Variants in TM4SF4 observed in about 807,000 individuals in gnomAD.
TM4SF4 encodes the protein transmembrane 4 L six family member 4.
In TM4SF4, 24 loss-of-function variants were observed where a neutral mutation model predicts 24.1. The ratio of observed to expected loss-of-function variants is 1.00; its 90% CI spans 0.72 to 1.40. The LOEUF (loss-of-function observed/expected upper bound fraction) is 1.40, where lower values mean the gene tolerates loss of function less well. Ranked by LOEUF, TM4SF4 falls within the 40% of genes most tolerant of loss-of-function variation. The pLI is 0.00. For missense variants in TM4SF4, 254 were observed against 254.2 expected, an observed-to-expected ratio of 1.00 and a Z score of 0.01; for synonymous variants, 113 against 97.0, an observed-to-expected ratio of 1.17 and a Z score of -0.97.
chr3:149,498,607 G>T lies in TM4SF4; in HGVS notation c.402-115G>T, dbSNP rs112198936. ...TTGTTAGTACAGAGTATTTTCTCGTGAAGCTAGTTTTGGGTGGAAAGTAGT... is the reference window on the plus strand; with the variant it reads ...TTGTTAGTACAGAGTATTTTCTCGTTAAGCTAGTTTTGGGTGGAAAGTAGT... On this transcript the variant is annotated intron_variant, in intron 3 of 4. Coordinates refer to ENST00000305354, the MANE Select transcript of TM4SF4 (RefSeq NM_004617.4). The T allele has an allele frequency of 2.6e-5, 23 of 879,852 alleles. No homozygotes were observed. The African/African-American group carries it at 3.0e-4, about 12-fold the overall frequency. The allele number at this position is 879,852 out of a possible 1,614,324, so 54.5% of individuals were successfully genotyped here. A position where few individuals can be genotyped will look rare whatever the true frequency, so the allele number is the denominator to read the frequency against.
intron 2 of TM4SF4, among the ~76,000 whole-genome samples, chr3:149,487,283 G>T (rs1045070425): frequency 6.6e-6 from 1 of 152,128 alleles, no homozygotes; most frequent in Non-Finnish European, 1.5e-5. Context: ...CAATCCTAAG[G>T]TTCTTTGATT....
rs76939410 is a variant in TM4SF4 at position 149,482,003 on chromosome 3, A to C, written c.265-5616A>C. Among the ~76,000 whole-genome samples, 269 of 152,350 alleles carry C rather than the reference A, an allele frequency of 1.8e-3. 4 individuals carry two copies. Among genetic ancestry groups the C allele is most frequent in the East Asian group, 0.01 (54 of 5,190 alleles). ...CATTGATCAAGTGCTTGTTAATGTC[A>C]TGGGAAATTATCCAAACCTTGGGAA... On this transcript the variant is annotated intron_variant, in intron 2 of 4. Transcript: ENST00000305354.
At chr3:149,475,714 T>C in intron 1 of TM4SF4, 109 bp from the exon 2 acceptor site, 1 of 876,886 alleles carries the variant, frequency 1.1e-6, no homozygotes, top group Non-Finnish European at 1.8e-6. Context: ...GCCATTCCCT[T>C]TGGGCCTCCA....
intron 2 of TM4SF4, among the ~76,000 whole-genome samples, chr3:149,476,325 G>A (rs890998302): frequency 3.3e-5 from 5 of 152,170 alleles, no homozygotes; most frequent in Non-Finnish European, 7.3e-5. Flanking sequence ...CAGGACAAAA[G>A]ATGGTATCCT....
chr3:149,490,619 C>T (rs1734192766), intron 3 of TM4SF4, among the ~76,000 whole-genome samples: 1 of 152,150 alleles, frequency 6.6e-6, no homozygotes, highest in South Asian at 2.1e-4. Flanking sequence ...CTGCTTTTTG[C>T]CTAGATTCCC....
chr3:149,475,678 C>T (rs1055578335), intron 1 of TM4SF4, 145 bp from the exon 2 acceptor site: 3 of 660,418 alleles, frequency 4.5e-6, no homozygotes, highest in Middle Eastern at 2.8e-4. Context: ...CACTCCATTA[C>T]CCCTCCAGCC....
At chr3:149,479,913 TAGG>T (rs1734004693) in intron 2 of TM4SF4, among the ~76,000 whole-genome samples, 1 of 152,012 alleles carries the variant, frequency 6.6e-6, no homozygotes, top group South Asian at 2.1e-4. Context: ...CAAAACCAAG[TAGG>T]AGATAGGAGA....
At chr3:149,481,468 A>C (rs4320033) in intron 2 of TM4SF4, among the ~76,000 whole-genome samples, 54,381 of 151,994 alleles carry the variant, frequency 0.36, 10,261 homozygotes, top group Non-Finnish European at 0.42. Flanking sequence ...AACTGGGGCT[A>C]CTGCAAGTTA....
chr3:149,477,334 T>A (rs2107865778), intron 2 of TM4SF4, among the ~76,000 whole-genome samples: 1 of 152,344 alleles, frequency 6.6e-6, no homozygotes, highest in East Asian at 1.9e-4. Flanking sequence ...ATAGTAGAAC[T>A]GGAATTACTG....
chr3:149,499,047 C>T, intron 4 of TM4SF4, 136 bp downstream of exon 4: 1 of 867,858 alleles, frequency 1.2e-6, no homozygotes, highest in Non-Finnish European at 1.8e-6. Context: ...AAAACCAGCC[C>T]AGGTTGGGAA....
intron 3 of TM4SF4, among the ~76,000 whole-genome samples, chr3:149,489,359 AAACATAT>A (rs1734171811): frequency 1.3e-5 from 2 of 152,238 alleles, no homozygotes; most frequent in African/African-American, 4.8e-5. Flanking sequence ...GTGCCACAGT[AAACATAT>A]TTTTCTATTT....
At chr3:149,497,341 T>C (rs981258027) in intron 3 of TM4SF4, among the ~76,000 whole-genome samples, 1 of 152,256 alleles carries the variant, frequency 6.6e-6, no homozygotes, top group Admixed American at 6.5e-5. Flanking sequence ...CTAGTACCTG[T>C]ACTCTTATGG....
At chr3:149,497,335 T>A (rs1477099446) in intron 3 of TM4SF4, among the ~76,000 whole-genome samples, 1 of 152,232 alleles carries the variant, frequency 6.6e-6, no homozygotes, top group Non-Finnish European at 1.5e-5. Context: ...AAGCTGCTAG[T>A]ACCTGTACTC....
intron 3 of TM4SF4, among the ~76,000 whole-genome samples, chr3:149,497,740 G>C (rs944979803): frequency 6.6e-6 from 1 of 152,138 alleles, no homozygotes; most frequent in Non-Finnish European, 1.5e-5. Context: ...CACCTCCCGG[G>C]TTCAAGCAAT....
intron 3 of TM4SF4, 60 bp from the exon 4 acceptor site, chr3:149,498,662 T>C: frequency 6.7e-7 from 1 of 1,488,148 alleles, no homozygotes; most frequent in East Asian, 2.3e-5. Flanking sequence ...GGTAACTTTC[T>C]AGTGGAGGGA....
At chr3:149,477,043 G>A (rs183449996) in intron 2 of TM4SF4, among the ~76,000 whole-genome samples, 18 of 151,770 alleles carry the variant, frequency 1.2e-4, no homozygotes, top group African/African-American at 3.4e-4. Context: ...CAAGCAATCC[G>A]CCCACCTGAG....
At position 149,475,840 on chromosome 3, in the gene TM4SF4, G is replaced by C. The variant is rs550106898; in HGVS notation, c.192G>C (p.Leu64=). Residue 64 remains leucine, a synonymous_variant, in exon 2 of 5, where the codon CTG becomes CTC. Coordinates refer to ENST00000305354, the MANE Select transcript of TM4SF4 (RefSeq NM_004617.4). ...CCTGGTAGATGATCTTCCCTGCGCT[G>C]GTGTTCTTGGGCCTGAAGAACAATG... is the stretch of plus-strand genomic sequence containing the variant. ...GSGVLMIFPA[L]VFLGLKNNDC... is the part of the protein sequence containing the mutation. The C allele has an allele frequency of 8.1e-6, 13 of 1,612,144 alleles. No individual in the cohort carries two copies. In the East Asian group the frequency reaches 2.9e-4, roughly 36 times the overall value.
chr3:149,487,602 C>G lies in TM4SF4; in HGVS notation c.265-17C>G, dbSNP rs1342172339. 8.1e-6 allele frequency: 13 copies of G among 1,613,748 alleles called. No individual in the cohort carries two copies. Among genetic ancestry groups the G allele is most frequent in the Non-Finnish European group, 1.0e-5 (12 of 1,179,838 alleles). Reference sequence around the variant, plus strand: ...GACCACCTGGAGAATGTGACTGTCTCTCTTCCTCTCTTTCAGATGTTCACC... The same window carrying G: ...GACCACCTGGAGAATGTGACTGTCTGTCTTCCTCTCTTTCAGATGTTCACC... On this transcript the variant is annotated splice_polypyrimidine_tract_variant and intron_variant, in intron 2 of 4. Coordinates refer to ENST00000305354, the MANE Select transcript of TM4SF4 (RefSeq NM_004617.4).
rs558512003 is a variant in TM4SF4, at chr3:149,502,763, T to C, written c.*70T>C. On this transcript the variant is annotated 3_prime_UTR_variant, in exon 5 of 5. Coordinates refer to ENST00000305354, the MANE Select transcript of TM4SF4 (RefSeq NM_004617.4). The stretch of plus-strand genomic sequence containing the variant: ...ATTTCTTTTCATAAAACTTCTTCTC[T>C]TCTTGGAATTATTAATTCCTATCTG... The C allele has an allele frequency of 6.1e-5, 71 of 1,169,986 alleles. No individual in the cohort carries two copies. In the East Asian group the frequency reaches 1.1e-3, roughly 18 times the overall value. 72.5% of individuals were successfully genotyped at this position (1,169,986 alleles called of 1,614,324 possible). A position where few individuals can be genotyped will look rare whatever the true frequency, so the allele number is the denominator to read the frequency against.
Sources: gnomAD v4.1 joint callset for allele counts (sites outside exome capture counted in the v4.1 genomes callset) on GRCh38, gnomAD v4.1.1 for gene constraint, MANE v1.5 for transcripts, NCBI Gene and HGNC (gene_info 2026-07-23, HGNC 2026-07-21) for gene names.